The following NME8 variants were observed in gnomAD, a reference collection of about 807,000 sequenced individuals.
NME8 encodes NME/NM23 family member 8, also known as protein NME8.
NME8 carries 72 observed loss-of-function variants against 82.3 expected under a neutral mutation model. The ratio of observed to expected loss-of-function variants is 0.87; its 90% CI spans 0.72 to 1.06. The LOEUF (loss-of-function observed/expected upper bound fraction) is 1.06, where lower values mean the gene tolerates loss of function less well. Ranked by LOEUF, NME8 falls within the 50% of genes least tolerant of loss-of-function variation. NME8 has a pLI of 0.00. For missense variants in NME8, 712 were observed against 685.4 expected (o/e 1.04, Z -0.43); for synonymous variants, 267 against 228.5 (o/e 1.17, Z -1.52).
intron 15 of NME8, 149 bp from the exon 16 acceptor site, chr7:37,894,317 T>C: frequency 1.3e-6 from 1 of 797,738 alleles, no homozygotes. Flanking sequence ...TTTGGTGCTT[T>C]GGAATTTTAA....
intron 6 of NME8, among the ~76,000 whole-genome samples, chr7:37,858,127 G>A (rs898220543): frequency 6.6e-6 from 1 of 152,162 alleles, no homozygotes; most frequent in Non-Finnish European, 1.5e-5. Flanking sequence ...AGAGTGTACA[G>A]TTAGTGCTAA....
At chr7:37,862,725 CA>C (rs1235401305) in intron 7 of NME8, among the ~76,000 whole-genome samples, 8 of 151,968 alleles carry the variant, frequency 5.3e-5, no homozygotes, top group African/African-American at 1.5e-4. Flanking sequence ...TCACACTTAT[CA>C]AATGCCCTTT....
chr7:37,876,966 C>A lies in NME8; in HGVS notation c.953C>A (p.Thr318Lys), dbSNP rs113903273. ...KKMKSMKLEK[T>K]LALLRPNLFH... The stretch of plus-strand genomic sequence containing the variant: ...ATGAAAAGCATGAAATTAGAAAAGA[C>A]ATTGGCATTACTTCGACCAAATCTC... Residue 318 changes from threonine to lysine, a missense_variant, in exon 12 of 18, where the codon ACA (threonine) becomes AAA (lysine). Coordinates refer to ENST00000199447, the MANE Select transcript of NME8 (RefSeq NM_016616.5). 2 of 1,613,170 alleles carry A rather than the reference C, an allele frequency of 1.2e-6. No homozygotes were observed. The highest frequency in any genetic ancestry group is 2.2e-5 in the South Asian group (2 of 91,062).
At chr7:37,877,405 A>C (rs1784872117) in intron 12 of NME8, among the ~76,000 whole-genome samples, 1 of 152,226 alleles carries the variant, frequency 6.6e-6, no homozygotes, top group African/African-American at 2.4e-5. Context: ...AAACACAAAT[A>C]AAGTACCTGG....
intron 17 of NME8, among the ~76,000 whole-genome samples, chr7:37,899,463 T>C (rs975241255): frequency 4.0e-5 from 6 of 151,566 alleles, no homozygotes; most frequent in Non-Finnish European, 8.8e-5. Flanking sequence ...CACTTATAAG[T>C]GGGAGCTGAA....
chr7:37,888,156 C>T, intron 14 of NME8, 121 bp from the exon 15 acceptor site: 7 of 982,794 alleles, frequency 7.1e-6, no homozygotes, highest in South Asian at 6.7e-5. Context: ...CTTCCTTTTG[C>T]ACAGTGTCAA....
At chr7:37,865,465 T>A (rs1784662151) in intron 9 of NME8, 60 bp from the exon 10 acceptor site, 1 of 1,216,082 alleles carries the variant, frequency 8.2e-7, no homozygotes, top group Admixed American at 1.7e-5. Context: ...AAAAACAAAC[T>A]TAACTTGTTT....
intron 17 of NME8, among the ~76,000 whole-genome samples, chr7:37,897,944 A>G (rs1318080631): frequency 3.9e-5 from 6 of 152,164 alleles, no homozygotes; most frequent in African/African-American, 7.2e-5. Context: ...TATTGTAAAT[A>G]TTGCTGCAAT....
At chr7:37,882,404 T>A (rs1460275418) in intron 12 of NME8, among the ~76,000 whole-genome samples, 1 of 151,736 alleles carries the variant, frequency 6.6e-6, no homozygotes, top group Non-Finnish European at 1.5e-5. Context: ...GGAGAATCAC[T>A]TGAACCTGGA....
At chr7:37,883,062 G>A (rs1265048856) in intron 12 of NME8, among the ~76,000 whole-genome samples, 1 of 151,976 alleles carries the variant, frequency 6.6e-6, no homozygotes, top group Non-Finnish European at 1.5e-5. Context: ...TGCAAATTAG[G>A]GAAGGCAATC....
intron 14 of NME8, among the ~76,000 whole-genome samples, chr7:37,886,147 C>T (rs1418562583): frequency 6.6e-6 from 1 of 152,166 alleles, no homozygotes; most frequent in Non-Finnish European, 1.5e-5. Context: ...TATGTCTTTG[C>T]TTATGTGCCA....
At chr7:37,882,667 G>T (rs1218530949) in intron 12 of NME8, among the ~76,000 whole-genome samples, 4 of 151,662 alleles carry the variant, frequency 2.6e-5, no homozygotes, top group Middle Eastern at 3.4e-3. Flanking sequence ...GAGAAAGAAA[G>T]AAAGAAAGGT....
Position 37,896,043 on chromosome 7 carries a change from A to G in NME8, c.1545-827A>G, listed in dbSNP as rs191500070. On this transcript the variant is annotated intron_variant, in intron 16 of 17. Coordinates refer to ENST00000199447, the MANE Select transcript of NME8 (RefSeq NM_016616.5). Reference sequence around the variant, plus strand: ...ACTGTACATACACACACACATGCACACACACACACGTGTGTATAAAATACG... The same window carrying G: ...ACTGTACATACACACACACATGCACGCACACACACGTGTGTATAAAATACG... Among the ~76,000 whole-genome samples the G allele has an allele frequency of 4.2e-3, 644 of 152,312 alleles. 5 individuals are homozygous for G. Among genetic ancestry groups the G allele is most frequent in the African/African-American group, 0.014 (578 of 41,562 alleles).
intron 8 of NME8, 148 bp from the exon 9 acceptor site, chr7:37,864,200 G>C: frequency 1.0e-6 from 1 of 956,312 alleles, no homozygotes; most frequent in Non-Finnish European, 1.6e-6. Context: ...CCCTCTGGTA[G>C]TTGAAATGCC....
At chr7:37,899,119 A>G (rs998235170) in intron 17 of NME8, among the ~76,000 whole-genome samples, 2 of 152,210 alleles carry the variant, frequency 1.3e-5, no homozygotes, top group African/African-American at 4.8e-5. Flanking sequence ...TGTGGAGGAC[A>G]GTGTGCTGAT....
At chr7:37,865,822 A>C (rs541089854) in intron 10 of NME8, among the ~76,000 whole-genome samples, 48 of 152,284 alleles carry the variant, frequency 3.2e-4, no homozygotes, top group African/African-American at 1.2e-3. Context: ...GCTACCGAGC[A>C]AAACTGGATG....
intron 6 of NME8, among the ~76,000 whole-genome samples, chr7:37,858,473 G>A (rs1784545690): frequency 6.6e-6 from 1 of 152,040 alleles, no homozygotes. Context: ...TGTTGTTGTT[G>A]TTGTTTTGTT....
At chr7:37,895,746 C>T (rs1785217936) in intron 16 of NME8, among the ~76,000 whole-genome samples, 2 of 152,110 alleles carry the variant, frequency 1.3e-5, no homozygotes, top group South Asian at 2.1e-4. Flanking sequence ...TTAGTGACAT[C>T]GTGATCATTG....
At chr7:37,876,206 C>CA (rs920748851) in intron 11 of NME8, among the ~76,000 whole-genome samples, 2 of 141,762 alleles carry the variant, frequency 1.4e-5, no homozygotes, top group South Asian at 2.3e-4. Flanking sequence ...GACTCCATCT[C>CA]AAAAAAACAC....
Sources: gnomAD v4.1 joint callset for allele counts (sites outside exome capture counted in the v4.1 genomes callset) on GRCh38, gnomAD v4.1.1 for gene constraint, MANE v1.5 for transcripts, NCBI Gene and HGNC (gene_info 2026-07-23, HGNC 2026-07-21) for gene names.